FMO5: variants seen among roughly 807,000 people sequenced by gnomAD.
FMO5 encodes the protein flavin containing dimethylaniline monoxygenase 5, also known as flavin-containing monooxygenase 5.
A neutral mutation model predicts 43.6 loss-of-function variants in FMO5; 51 were observed. The ratio of observed to expected loss-of-function variants is 1.17; its 90% CI spans 0.93 to 1.48. The LOEUF (loss-of-function observed/expected upper bound fraction) is 1.48, where lower values mean the gene tolerates loss of function less well. Ranked by LOEUF, FMO5 falls within the 40% of genes most tolerant of loss-of-function variation. FMO5 has a pLI of 0.00. For synonymous variants in FMO5, 187 were observed against 216.5 expected (o/e 0.86, Z 1.20); for missense variants, 644 against 643.0 (o/e 1.00, Z -0.02).
At chr1:147,211,866 C>T (rs782274875) in intron 5 of FMO5, among the ~76,000 whole-genome samples, 5 of 152,164 alleles carry the variant, frequency 3.3e-5, no homozygotes, top group Admixed American at 6.5e-5. Flanking sequence ...ACAGTTTGGA[C>T]GCTATACGGA....
In FMO5 at chr1:147,215,662, A is replaced by G. The variant is rs587662437; in HGVS notation, c.324+92T>C. ...ATAAATACATGTGCAAATCAAGCCA[A>G]TCTTTAGAAGTAAACATTGGTAACT... is the stretch of plus-strand genomic sequence containing the variant. On this transcript the variant is annotated intron_variant, in intron 3 of 8. Coordinates refer to ENST00000254090, the MANE Select transcript of FMO5 (RefSeq NM_001461.4). The G allele has an allele frequency of 4.4e-5, 41 of 927,158 alleles. No homozygotes were observed. In the African/African-American group the frequency reaches 4.7e-4, roughly 11 times the overall value. The allele number at this position is 927,158 out of a possible 1,614,324, so 57.4% of individuals were successfully genotyped here. A position where few individuals can be genotyped will look rare whatever the true frequency, so the allele number is the denominator to read the frequency against.
chr1:147,204,609 G>A (rs6593745), intron 6 of FMO5: 542,802 of 1,589,648 alleles, frequency 0.34, 97,185 homozygotes, highest in African/African-American at 0.62. Context: ...GGAGAGCTCC[G>A]GCAAATACCA....
In FMO5 at chr1:147,213,316, C is replaced by G; in HGVS notation, c.479G>C (p.Ser160Thr). ...CCTGGTAAGCTGCTCACCAGGGAAG[C>G]TTTCCAGAGGTAGATGAGCATTGGT... ...HHTNAHLPLE[S>T]FPGIEKFKGQ... Residue 160 changes from serine to threonine, a missense_variant, in exon 4 of 9, where the codon AGC becomes ACC. Ser to Thr is a moderately conservative substitution (Grantham distance 58, BLOSUM62 1). Coordinates refer to ENST00000254090, the MANE Select transcript of FMO5 (RefSeq NM_001461.4). 1 of 1,606,292 alleles carries G rather than the reference C, an allele frequency of 6.2e-7. No individual in the cohort carries two copies. Among genetic ancestry groups the G allele is most frequent in the Non-Finnish European group, 8.5e-7 (1 of 1,176,040 alleles).
intron 6 of FMO5, chr1:147,203,692 T>G (rs1659455547): frequency 6.7e-7 from 1 of 1,490,736 alleles, no homozygotes; most frequent in Admixed American, 1.7e-5. Context: ...CAATTTCTGT[T>G]GCTCCACCTC....
At chr1:147,189,350 G>GAATTTAGA in intron 8 of FMO5, among the ~76,000 whole-genome samples, 1 of 152,012 alleles carries the variant, frequency 6.6e-6, no homozygotes, top group East Asian at 1.9e-4. Flanking sequence ...CAAAAGGTGA[G>GAATTTAGA]AATTTAGAAA....
upstream of FMO5, chr1:147,225,603 CT>C (rs1230571783): frequency 6.5e-6 from 1 of 153,886 alleles, no homozygotes; most frequent in Non-Finnish European, 1.4e-5. Context: ...CCCGTCTGTG[CT>C]CGCTTCTGCA....
intron 2 of FMO5, among the ~76,000 whole-genome samples, chr1:147,216,263 G>A (rs1272947733): frequency 6.6e-6 from 1 of 152,186 alleles, no homozygotes; most frequent in East Asian, 1.9e-4. Context: ...CAACTACCAT[G>A]AGACCACCAT....
intron 2 of FMO5, among the ~76,000 whole-genome samples, chr1:147,219,175 G>T (rs138729460): frequency 6.6e-6 from 1 of 152,104 alleles, no homozygotes; most frequent in African/African-American, 2.4e-5. Context: ...TAAAAATGGC[G>T]TATGATATAA....
At chr1:147,221,646 C>G (rs950220642) in intron 2 of FMO5, among the ~76,000 whole-genome samples, 6 of 152,122 alleles carry the variant, frequency 3.9e-5, no homozygotes, top group African/African-American at 1.4e-4. Flanking sequence ...CTGATAAATG[C>G]AAGTCTGTAT....
In FMO5 at chr1:147,225,334, A is replaced by C. The variant is rs1324692833; in HGVS notation, c.-85T>G. 2.1e-5 allele frequency: 8 copies of C among 374,690 alleles called. No homozygotes were observed. The highest frequency in any genetic ancestry group is 1.4e-4 in the African/African-American group (7 of 49,022). 23.2% of individuals were successfully genotyped at this position (374,690 alleles called of 1,614,324 possible). ...AGATCCTTCAGCTGCGATCTGGAGG[A>C]GACTCAACAGGCGGCTGTTGTCAAA... On this transcript the variant is annotated 5_prime_UTR_variant, in exon 1 of 9. Coordinates refer to ENST00000254090, the MANE Select transcript of FMO5 (RefSeq NM_001461.4).
At chr1:147,212,563 G>A (rs2297753) in intron 4 of FMO5, 28 bp from the exon 5 acceptor site, 150,925 of 1,599,242 alleles carry the variant, frequency 0.094, 11,854 homozygotes, top group East Asian at 0.41. Flanking sequence ...ATAATTATTG[G>A]GTAATGGTTT....
At position 147,186,346 on chromosome 1, in the gene FMO5, G is replaced by A. The variant is rs1256340664; in HGVS notation, c.*554C>T. 8 of 970,202 alleles carry A rather than the reference G, an allele frequency of 8.2e-6. No individual in the cohort carries two copies. The Admixed American group carries it at 3.7e-4, about 45-fold the overall frequency. The allele number at this position is 970,202 out of a possible 1,614,324, so 60.1% of individuals were successfully genotyped here. On this transcript the variant is annotated 3_prime_UTR_variant, in exon 9 of 9. Coordinates refer to ENST00000254090, the MANE Select transcript of FMO5 (RefSeq NM_001461.4). ...ATGACCATGTTTCAAGTACACTAGT[G>A]AATAGCAAGTGAAACAAAATGTCTT...
intron 2 of FMO5, among the ~76,000 whole-genome samples, chr1:147,221,569 T>C (rs1663021778): frequency 6.6e-6 from 1 of 152,222 alleles, no homozygotes; most frequent in South Asian, 2.1e-4. Context: ...ACTTCTGAAT[T>C]TCATTTCATT....
At chr1:147,219,746 A>T (rs1245912898) in intron 2 of FMO5, among the ~76,000 whole-genome samples, 12 of 151,890 alleles carry the variant, frequency 7.9e-5, no homozygotes, top group African/African-American at 2.9e-4. Context: ...AGGATTAAAA[A>T]AAAAAAGTAA....
intron 7 of FMO5, among the ~76,000 whole-genome samples, chr1:147,198,509 A>C (rs1658387844): frequency 6.6e-6 from 1 of 152,160 alleles, no homozygotes; most frequent in African/African-American, 2.4e-5. Flanking sequence ...TGGGTACGTC[A>C]TCCAGTGCAT....
chr1:147,208,925 C>T lies in FMO5; in HGVS notation c.757G>A (p.Ala253Thr), dbSNP rs782509696. 254 of 1,613,998 alleles carry T rather than the reference C, an allele frequency of 1.6e-4. 1 individual carries two copies. Among genetic ancestry groups the T allele is most frequent in the Non-Finnish European group, 2.0e-4 (239 of 1,179,994 alleles). ...FIWKICGQSL[A>T]NKYLEKKINQ... is the part of the protein sequence containing the mutation. The stretch of plus-strand genomic sequence containing the variant: ...ATCTTTTTTTCCAAATATTTGTTTG[C>T]TAATGATTGGCCACAGATCTTCCAT... Residue 253 changes from alanine (A) to threonine (T), a missense_variant, in exon 6 of 9, where the codon GCA (alanine) becomes ACA (threonine). Physicochemically the swap from Ala to Thr is moderately conservative, Grantham distance 58. Transcript: ENST00000254090.
chr1:147,193,041 A>T, intron 7 of FMO5, among the ~76,000 whole-genome samples: 1 of 152,180 alleles, frequency 6.6e-6, no homozygotes, highest in Non-Finnish European at 1.5e-5. Context: ...GTTAGGGAAG[A>T]TTCCTTCTTT....
downstream of FMO5, among the ~76,000 whole-genome samples, chr1:147,185,611 G>A (rs1655552645): frequency 6.6e-6 from 1 of 152,144 alleles, no homozygotes; most frequent in Admixed American, 6.5e-5. Flanking sequence ...TTCTCTTACA[G>A]GTGTGTGTAT....
At chr1:147,224,796 C>CA in intron 2 of FMO5, 99 bp downstream of exon 2, 1 of 1,224,808 alleles carries the variant, frequency 8.2e-7, no homozygotes, top group African/African-American at 1.5e-5. Flanking sequence ...AGGCGTGTGC[C>CA]AACCGCGCCC....
Sources: allele counts gnomAD v4.1 joint callset (sites outside exome capture counted in the v4.1 genomes callset), GRCh38; gene constraint gnomAD v4.1.1; transcripts MANE v1.5; gene names NCBI Gene and HGNC (gene_info 2026-07-23, HGNC 2026-07-21).